MLIP: variants seen among roughly 807,000 people sequenced by gnomAD.
MLIP encodes muscular LMNA interacting protein, also known as muscular LMNA-interacting protein.
In MLIP, 79 loss-of-function variants were observed where a neutral mutation model predicts 84.8. That is an observed-to-expected ratio of 0.93 (90% CI 0.78 to 1.12). MLIP has a LOEUF of 1.12. Among genes scored for constraint, MLIP ranks in the 50% most tolerant of loss-of-function variants. The pLI, the probability that MLIP is intolerant of heterozygous loss-of-function variation, is 0.00. For synonymous variants in MLIP, 504 were observed against 463.0 expected (o/e 1.09, Z -1.14); for missense variants, 1,257 against 1,160.6 (o/e 1.08, Z -1.21).
At chr6:54,148,969 C>T in intron 4 of MLIP, 87 bp from the exon 5 acceptor site, 1 of 1,081,034 alleles carries the variant, frequency 9.3e-7, no homozygotes, top group East Asian at 2.4e-5. Flanking sequence ...GATAACGTAT[C>T]ATTTAACTTG....
At chr6:54,221,595 A>G (rs941321748) in intron 11 of MLIP, among the ~76,000 whole-genome samples, 26 of 152,118 alleles carry the variant, frequency 1.7e-4, no homozygotes, top group African/African-American at 6.3e-4. Context: ...TCATTAGAAT[A>G]TGAAAAACCA....
At chr6:54,070,165 G>GCTTT (rs1766396830) in intron 1 of MLIP, among the ~76,000 whole-genome samples, 1 of 152,142 alleles carries the variant, frequency 6.6e-6, no homozygotes, top group African/African-American at 2.4e-5. Context: ...ACCCATGCAC[G>GCTTT]ACTGCTTTAC....
intron 12 of MLIP, among the ~76,000 whole-genome samples, chr6:54,250,199 G>A (rs777849913): frequency 2.0e-4 from 31 of 152,118 alleles, no homozygotes; most frequent in South Asian, 6.2e-4. Context: ...TTATTAAAAA[G>A]TCAAAAAATA....
intron 1 of MLIP, among the ~76,000 whole-genome samples, chr6:54,049,208 C>G (rs1435607780): frequency 1.7e-4 from 26 of 152,142 alleles, no homozygotes; most frequent in Admixed American, 1.7e-3. Context: ...CAGTGTAAAG[C>G]TAATCTCTGT....
chr6:54,147,767 G>T (rs1773014819), intron 4 of MLIP, among the ~76,000 whole-genome samples: 1 of 152,120 alleles, frequency 6.6e-6, no homozygotes, highest in Admixed American at 6.5e-5. Flanking sequence ...ATCAGAGTGT[G>T]TAAGTGAGCA....
At chr6:54,022,651 C>T (rs1019217216) in intron 1 of MLIP, among the ~76,000 whole-genome samples, 17 of 151,734 alleles carry the variant, frequency 1.1e-4, no homozygotes, top group Admixed American at 3.3e-4. Flanking sequence ...CTTATATTTA[C>T]CTTCTACTGA....
At chr6:54,252,330 C>T (rs1782673127) in intron 12 of MLIP, among the ~76,000 whole-genome samples, 1 of 109,066 alleles carries the variant, frequency 9.2e-6, no homozygotes, top group African/African-American at 3.9e-5. Context: ...TATATTATAC[C>T]ATATAATATA....
intron 9 of MLIP, among the ~76,000 whole-genome samples, chr6:54,188,903 A>C (rs1777655982): frequency 6.6e-6 from 1 of 152,332 alleles, no homozygotes; most frequent in South Asian, 2.1e-4. Context: ...TCCAAGTTAC[A>C]ACATTTATGC....
chr6:54,024,925 C>A (rs1763710308), intron 1 of MLIP, among the ~76,000 whole-genome samples: 1 of 151,932 alleles, frequency 6.6e-6, no homozygotes, highest in Non-Finnish European at 1.5e-5. Flanking sequence ...GCAACCTCTG[C>A]CTCCCGGGTT....
chr6:54,170,952 A>G (rs755018529), intron 9 of MLIP, among the ~76,000 whole-genome samples: 1 of 151,454 alleles, frequency 6.6e-6, no homozygotes, highest in Non-Finnish European at 1.5e-5. Flanking sequence ...TTTTGTGACT[A>G]ATACATTTTA....
At chr6:54,248,369 A>G (rs2185505) in intron 12 of MLIP, among the ~76,000 whole-genome samples, 49,888 of 152,022 alleles carry the variant, frequency 0.33, 11,675 homozygotes, top group African/African-American at 0.67. Flanking sequence ...TTCCAATTTC[A>G]ACTTCTGGAA....
intron 8 of MLIP, among the ~76,000 whole-genome samples, chr6:54,165,700 TG>T (rs1562004696): frequency 1.3e-5 from 2 of 151,968 alleles, no homozygotes; most frequent in African/African-American, 4.8e-5. Context: ...ATTTGCATAC[TG>T]TGGCATTGGT....
chr6:54,072,608 A>C (rs567118063), intron 1 of MLIP, among the ~76,000 whole-genome samples: 1 of 152,286 alleles, frequency 6.6e-6, no homozygotes, highest in South Asian at 2.1e-4. Flanking sequence ...GGCACTGCTT[A>C]TGGTAATGCT....
Position 54,136,939 on chromosome 6 carries a change from G to T in MLIP, c.870G>T (p.Ser290=). Residue 290 remains serine, a synonymous_variant, in exon 4 of 14, where the codon TCG becomes TCT. Coordinates refer to ENST00000502396, the MANE Select transcript of MLIP (RefSeq NM_001281747.2). ...TTAHSTPFSA[S]KGTSSTLLFP... is the part of the protein sequence containing the mutation. ...CTCACTCTACACCCTTTTCTGCATC[G>T]AAGGGCACCTCCTCGACGTTACTGT... 1 of 1,535,940 alleles carries T rather than the reference G, an allele frequency of 6.5e-7. No homozygotes were observed. The highest frequency in any genetic ancestry group is 8.7e-7 in the Non-Finnish European group (1 of 1,146,862).
At chr6:54,035,828 T>C (rs569142276) in intron 1 of MLIP, among the ~76,000 whole-genome samples, 2 of 152,024 alleles carry the variant, frequency 1.3e-5, no homozygotes, top group African/African-American at 4.8e-5. Context: ...TTTCTTCTTG[T>C]TAAGTTTTAA....
intron 1 of MLIP, among the ~76,000 whole-genome samples, chr6:54,079,123 C>T (rs1280741444): frequency 6.6e-6 from 1 of 152,142 alleles, no homozygotes; most frequent in Non-Finnish European, 1.5e-5. Context: ...TGAAATTAAA[C>T]TTGAATGAGG....
At chr6:54,090,982 A>G (rs1767832529) in intron 1 of MLIP, among the ~76,000 whole-genome samples, 1 of 152,122 alleles carries the variant, frequency 6.6e-6, no homozygotes, top group African/African-American at 2.4e-5. Context: ...CTCAACCTTA[A>G]TAATATCGAC....
intron 12 of MLIP, among the ~76,000 whole-genome samples, chr6:54,256,570 G>A (rs933591511): frequency 6.6e-6 from 1 of 152,090 alleles, no homozygotes; most frequent in African/African-American, 2.4e-5. Flanking sequence ...CATTACAAAC[G>A]TTTGCTCTCC....
At chr6:54,081,349 G>T (rs1767133522) in intron 1 of MLIP, among the ~76,000 whole-genome samples, 1 of 152,034 alleles carries the variant, frequency 6.6e-6, no homozygotes, top group Non-Finnish European at 1.5e-5. Context: ...AAGAAAATGA[G>T]GAGAAAAGCA....
Sources: allele counts gnomAD v4.1 joint callset (sites outside exome capture counted in the v4.1 genomes callset), GRCh38; gene constraint gnomAD v4.1.1; transcripts MANE v1.5; gene names NCBI Gene and HGNC (gene_info 2026-07-23, HGNC 2026-07-21).